MTMR3: variants seen among roughly 807,000 people sequenced by gnomAD.
MTMR3 encodes the protein phosphatidylinositol-3,5-bisphosphate 3-phosphatase MTMR3.
A neutral mutation model predicts 132.4 loss-of-function variants in MTMR3; 32 were observed. The observed-to-expected ratio is 0.24, with a 90% CI of 0.18 to 0.32. The LOEUF (loss-of-function observed/expected upper bound fraction) is 0.32. Among genes scored for constraint, MTMR3 ranks in the 10% least tolerant of loss-of-function variants. The pLI, the probability that MTMR3 is intolerant of heterozygous loss-of-function variation, is 1.00. For synonymous variants in MTMR3, 556 were observed against 550.3 expected, an observed-to-expected ratio of 1.01 and a Z score of -0.14; for missense variants, 1,216 against 1,489.6, an observed-to-expected ratio of 0.82 and a Z score of 3.02.
Position 30,020,546 on chromosome 22 carries a change from G to C in MTMR3, c.2887G>C (p.Ala963Pro), listed in dbSNP as rs942677740. 2.5e-6 allele frequency: 4 copies of C among 1,614,078 alleles called. No homozygotes were observed. The highest frequency in any genetic ancestry group is 3.4e-6 in the Non-Finnish European group (4 of 1,180,058). The change falls in exon 17 of 20, where the codon GCT becomes CCT. Residue 963 changes from alanine to proline, a missense_variant. Physicochemically the swap from Ala to Pro is conservative, Grantham distance 27 (BLOSUM62 -1). Around this residue, in one of 7 missense-constraint regions of MTMR3, gnomAD observed 852 missense variants for 852.0 expected, o/e 1.00. Transcript: ENST00000401950. The part of the protein sequence containing the change: ...TPNGHCANGE[A>P]GRSKDSLSRQ... ...CAATGGGCATTGCGCCAATGGGGAG[G>C]CTGGTAGGAGCAAGGACTCACTGAG...
chr22:29,924,809 T>C (rs1290552358), intron 1 of MTMR3, among the ~76,000 whole-genome samples: 1 of 152,220 alleles, frequency 6.6e-6, no homozygotes, highest in Non-Finnish European at 1.5e-5. Context: ...GTAATTCTTT[T>C]TTATGCTATT....
chr22:29,902,390 A>G (rs1163226673), intron 1 of MTMR3, among the ~76,000 whole-genome samples: 1 of 151,260 alleles, frequency 6.6e-6, no homozygotes, highest in Admixed American at 6.6e-5. Flanking sequence ...GAATGGTTAT[A>G]TAATTGGTTA....
intron 2 of MTMR3, among the ~76,000 whole-genome samples, chr22:29,969,711 T>C (rs186590774): frequency 2.6e-3 from 390 of 152,164 alleles, no homozygotes; most frequent in African/African-American, 9.0e-3. Flanking sequence ...TTTGTATTTT[T>C]AGTAGAGATG....
At chr22:29,981,317 A>G (rs1215187665) in intron 5 of MTMR3, 1 of 152,182 alleles carries the variant, frequency 6.6e-6, no homozygotes, top group Non-Finnish European at 1.5e-5. Context: ...TCATTTTAAA[A>G]CAGTACACTT....
At chr22:30,023,092 A>T in intron 19 of MTMR3, 1 of 392,766 alleles carries the variant, frequency 2.5e-6, no homozygotes, top group Non-Finnish European at 4.7e-6. Context: ...CTGACCCCAC[A>T]CTTGTTTTCC....
At chr22:29,905,621 T>G (rs1196395299) in intron 1 of MTMR3, among the ~76,000 whole-genome samples, 3 of 152,210 alleles carry the variant, frequency 2.0e-5, no homozygotes, top group Non-Finnish European at 4.4e-5. Flanking sequence ...TGTAAGGTAA[T>G]GTTCTTTCAA....
At chr22:29,900,836 C>T (rs1602430497) in intron 1 of MTMR3, among the ~76,000 whole-genome samples, 2 of 152,040 alleles carry the variant, frequency 1.3e-5, no homozygotes, top group East Asian at 3.9e-4. Context: ...GCCTCATCCC[C>T]CTAAGTAGCT....
At position 30,016,620 on chromosome 22, in the gene MTMR3, G is replaced by T; in HGVS notation, c.1596G>T (p.Arg532=). 2 of 1,614,192 alleles carry T rather than the reference G, an allele frequency of 1.2e-6. No homozygotes were observed. The highest frequency in any genetic ancestry group is 1.7e-6 in the Non-Finnish European group (2 of 1,180,028). The change falls in exon 15 of 20, where the codon CGG becomes CGT. Residue 532 remains arginine, a synonymous_variant. Transcript: ENST00000401950. ...KERGEKHTQE[R]TCSVWSLLRA... ...GAGGGGAAAAGCATACTCAGGAACG[G>T]ACATGTTCCGTGTGGTCACTTCTTC...
At chr22:29,931,035 T>TA (rs1311141967) in intron 1 of MTMR3, among the ~76,000 whole-genome samples, 1 of 151,146 alleles carries the variant, frequency 6.6e-6, no homozygotes, top group Non-Finnish European at 1.5e-5. Flanking sequence ...AAAAAAAACT[T>TA]AAAAATGACC....
chr22:29,928,487 T>G (rs1019259889), intron 1 of MTMR3, among the ~76,000 whole-genome samples: 2 of 152,058 alleles, frequency 1.3e-5, no homozygotes, highest in Non-Finnish European at 2.9e-5. Context: ...TTTTTTCTTT[T>G]AGGCTTTCCC....
chr22:30,008,167 C>A, intron 11 of MTMR3, 135 bp downstream of exon 11: 2 of 1,152,628 alleles, frequency 1.7e-6, no homozygotes, highest in Non-Finnish European at 1.2e-6. Flanking sequence ...AGTGCCAGAG[C>A]TTCTCTTTGG....
At chr22:30,021,895 A>G in intron 17 of MTMR3, 134 bp from the exon 18 acceptor site, 1 of 663,324 alleles carries the variant, frequency 1.5e-6, no homozygotes, top group South Asian at 1.8e-5. Flanking sequence ...TTGATGGCTG[A>G]TGCATCTGCA....
At chr22:29,936,406 A>G (rs1373202259) in intron 1 of MTMR3, among the ~76,000 whole-genome samples, 1 of 152,138 alleles carries the variant, frequency 6.6e-6, no homozygotes, top group Non-Finnish European at 1.5e-5. Context: ...CCATAACAAC[A>G]TAAACTTACA....
At chr22:29,932,580 A>C (rs556274062) in intron 1 of MTMR3, among the ~76,000 whole-genome samples, 1 of 152,320 alleles carries the variant, frequency 6.6e-6, no homozygotes, top group East Asian at 1.9e-4. Context: ...AGCATTCCTC[A>C]TGGTCAGAGT....
chr22:30,023,603 A>C (rs1479038427), intron 19 of MTMR3: 8 of 1,240,722 alleles, frequency 6.4e-6, no homozygotes, highest in Non-Finnish European at 8.2e-6. Context: ...CCTTGGGTGC[A>C]CAGGCAGATA....
chr22:30,008,728 G>A (rs940411579), intron 11 of MTMR3: 1 of 287,102 alleles, frequency 3.5e-6, no homozygotes, highest in African/African-American at 2.2e-5. Flanking sequence ...TAAAGCCAGA[G>A]TGAGATCGAA....
chr22:30,021,090 GA>G (rs2067736455), intron 17 of MTMR3: 1 of 605,288 alleles, frequency 1.7e-6, no homozygotes, highest in African/African-American at 1.9e-5. Flanking sequence ...ACTTTCTGCA[GA>G]TGTCCTGTTG....
intron 2 of MTMR3, among the ~76,000 whole-genome samples, chr22:29,964,152 G>C (rs933000609): frequency 9.2e-5 from 14 of 152,096 alleles, no homozygotes; most frequent in East Asian, 1.9e-4. Flanking sequence ...TGCATTACTC[G>C]TATATCTAAT....
In MTMR3 at chr22:29,956,131, A is replaced by G. The variant is rs2066184741; in HGVS notation, c.-137-905A>G. ...GACTCCATGTCATTTAAACAGCTCA[A>G]ATGGATGAGTCGTGTTTGCACAACT... On this transcript the variant is annotated intron_variant, in intron 1 of 19. Coordinates refer to ENST00000401950, the MANE Select transcript of MTMR3 (RefSeq NM_021090.4). 1.3e-5 allele frequency among the ~76,000 whole-genome samples: 2 copies of G among 152,224 alleles called. 1 individual carries two copies. Among genetic ancestry groups the G allele is most frequent in the South Asian group, 4.1e-4 (2 of 4,836 alleles).
Sources: gnomAD v4.1 joint callset for allele counts (sites outside exome capture counted in the v4.1 genomes callset) on GRCh38, gnomAD v4.1.1 for gene constraint, gnomAD v4.1.1 regional missense constraint, MANE v1.5 for transcripts, NCBI Gene and HGNC (gene_info 2026-07-23, HGNC 2026-07-21) for gene names.